Variants in CEP83 observed in about 807,000 individuals in gnomAD.
CEP83 encodes centrosomal protein 83, also known as centrosomal protein of 83 kDa.
CEP83 carries 70 observed loss-of-function variants against 101.9 expected under a neutral mutation model. That is an observed-to-expected ratio of 0.69 (90% CI 0.57 to 0.84). The LOEUF is 0.84. Ranked by LOEUF, CEP83 falls within the 40% of genes least tolerant of loss-of-function variation. CEP83 has a pLI of 0.00. For synonymous variants in CEP83, 264 were observed against 267.9 expected (o/e 0.99, Z 0.14); for missense variants, 715 against 787.2 (o/e 0.91, Z 1.10).
At chr12:94,273,683 G>C in the CEP83 span, among the ~76,000 whole-genome samples, 1 of 152,134 alleles carries the variant, frequency 6.6e-6, no homozygotes, top group African/African-American at 2.4e-5. Context: ...CAAGCAGGAT[G>C]AGTACAGGTT....
rs184627314 is a variant in CEP83, at chr12:94,371,885, T to A, written c.934-1849A>T. Among the ~76,000 whole-genome samples, 305 of 152,322 alleles carry A rather than the reference T, an allele frequency of 2.0e-3. 2 individuals are homozygous for A. The highest frequency in any genetic ancestry group is 6.5e-3 in the African/African-American group (272 of 41,570). On this transcript the variant is annotated intron_variant, in intron 8 of 16. Transcript: ENST00000397809. ...GAGTACTGCCTTATGTACTGGTAACTACAATAAGACATCCCTCCAAATTAA... is the reference window on the plus strand; with the variant it reads ...GAGTACTGCCTTATGTACTGGTAACAACAATAAGACATCCCTCCAAATTAA...
intron 11 of CEP83, among the ~76,000 whole-genome samples, chr12:94,358,748 G>A (rs185567051): frequency 6.6e-5 from 10 of 152,354 alleles, no homozygotes; most frequent in African/African-American, 2.4e-4. Context: ...CCTGATTCCT[G>A]CAAGAAGTAG....
chr12:94,300,030 T>G, the CEP83 span, among the ~76,000 whole-genome samples: 1 of 152,068 alleles, frequency 6.6e-6, no homozygotes, highest in African/African-American at 2.4e-5. Flanking sequence ...AGGCCAGAGT[T>G]GAAAAGGAGA....
intron 1 of CEP83, among the ~76,000 whole-genome samples, chr12:94,447,331 T>TG (rs1310498767): frequency 6.6e-6 from 1 of 152,066 alleles, no homozygotes; most frequent in African/African-American, 2.4e-5. Flanking sequence ...CTGGGCAACA[T>TG]GGCAAAACCC....
the CEP83 span, among the ~76,000 whole-genome samples, chr12:94,295,979 C>T: frequency 6.6e-6 from 1 of 152,180 alleles, no homozygotes; most frequent in Non-Finnish European, 1.5e-5. Flanking sequence ...CTGCCTTCTT[C>T]CTTGATGCTT....
At chr12:94,278,998 A>AT in the CEP83 span, among the ~76,000 whole-genome samples, 1 of 18,788 alleles carries the variant, frequency 5.3e-5, no homozygotes, top group Non-Finnish European at 9.8e-5. Flanking sequence ...ACTCCATCTC[A>AT]AAAAAAAAAG....
At chr12:94,391,577 G>A (rs1452312336) in intron 6 of CEP83, among the ~76,000 whole-genome samples, 1 of 152,070 alleles carries the variant, frequency 6.6e-6, no homozygotes, top group African/African-American at 2.4e-5. Flanking sequence ...CAATTAACAG[G>A]CAAAATAACC....
At chr12:94,373,713 C>T (rs1249183957) in intron 8 of CEP83, among the ~76,000 whole-genome samples, 1 of 152,082 alleles carries the variant, frequency 6.6e-6, no homozygotes, top group African/African-American at 2.4e-5. Context: ...CCTTTTAATC[C>T]AAGACACTGA....
the CEP83 span, among the ~76,000 whole-genome samples, chr12:94,268,769 A>G: frequency 5.8e-4 from 88 of 151,720 alleles, no homozygotes; most frequent in Non-Finnish European, 1.1e-3. Context: ...TAATGCTTGT[A>G]TTTTTAGTAG....
chr12:94,402,226 C>T (rs943852321), intron 5 of CEP83: 4 of 152,088 alleles, frequency 2.6e-5, no homozygotes, highest in Non-Finnish European at 5.9e-5. Context: ...TTCTCTCTTT[C>T]AACAAATATT....
chr12:94,391,249 G>A (rs772293891), intron 6 of CEP83, among the ~76,000 whole-genome samples: 2 of 152,128 alleles, frequency 1.3e-5, no homozygotes, highest in Non-Finnish European at 2.9e-5. Context: ...TACCCACAAA[G>A]GGAAGCCCAT....
At chr12:94,346,686 T>C (rs1260028538) in intron 11 of CEP83, among the ~76,000 whole-genome samples, 3 of 152,172 alleles carry the variant, frequency 2.0e-5, no homozygotes, top group Non-Finnish European at 2.9e-5. Flanking sequence ...TAGAGAGCAG[T>C]AGAATCAAAT....
rs118139702 is a variant in CEP83, at chr12:94,453,107, T to C, written c.-155+6450A>G. 5.6e-3 allele frequency among the ~76,000 whole-genome samples: 856 copies of C among 152,342 alleles called. 4 individuals are homozygous for C. The highest frequency in any genetic ancestry group is 0.014 in the Middle Eastern group (4 of 294). On this transcript the variant is annotated intron_variant, in intron 1 of 16. Transcript: ENST00000397809. ...CATTTAATCAATAAACTAAATGTGA[T>C]GTGCATTCTTTCTTTGGTTTCCAAA...
intron 1 of CEP83, among the ~76,000 whole-genome samples, chr12:94,449,953 C>T (rs1050708905): frequency 1.2e-4 from 19 of 152,072 alleles, no homozygotes; most frequent in Admixed American, 2.0e-4. Flanking sequence ...CAAAATCTAA[C>T]ACCCACTCAT....
chr12:94,350,076 A>G (rs189379976), intron 11 of CEP83, among the ~76,000 whole-genome samples: 4 of 152,332 alleles, frequency 2.6e-5, no homozygotes, highest in Admixed American at 2.0e-4. Flanking sequence ...ACTACCAAAA[A>G]TAATCTACAG....
intron 11 of CEP83, among the ~76,000 whole-genome samples, chr12:94,341,106 T>C (rs866017558): frequency 3.9e-5 from 6 of 152,216 alleles, no homozygotes; most frequent in Non-Finnish European, 8.8e-5. Context: ...TGGTTTTAAT[T>C]TGCAAATTGA....
intron 14 of CEP83, among the ~76,000 whole-genome samples, chr12:94,316,963 T>C (rs1332910307): frequency 1.3e-5 from 2 of 152,152 alleles, no homozygotes; most frequent in Non-Finnish European, 2.9e-5. Context: ...CTGGGTCCAA[T>C]GGTAGTTGTT....
chr12:94,341,211 A>T (rs944459037), intron 11 of CEP83, among the ~76,000 whole-genome samples: 2 of 152,230 alleles, frequency 1.3e-5, no homozygotes, highest in Non-Finnish European at 2.9e-5. Flanking sequence ...TGGTAAAAAA[A>T]AAACACTTTC....
At chr12:94,353,838 C>A (rs1488317246) in intron 11 of CEP83, among the ~76,000 whole-genome samples, 1 of 145,070 alleles carries the variant, frequency 6.9e-6, no homozygotes, top group African/African-American at 2.5e-5. Flanking sequence ...AAAAGTTTGT[C>A]ACACTGTAAA....
Sources: allele counts gnomAD v4.1 joint callset (sites outside exome capture counted in the v4.1 genomes callset), GRCh38; gene constraint gnomAD v4.1.1; transcripts MANE v1.5; gene names NCBI Gene and HGNC (gene_info 2026-07-23, HGNC 2026-07-21).